ZBTB20: variants seen among roughly 807,000 people sequenced by gnomAD.
ZBTB20 encodes zinc finger and BTB domain containing 20.
ZBTB20 carries 9 observed loss-of-function variants against 56.9 expected under a neutral mutation model. The observed-to-expected ratio is 0.16, with a 90% CI of 0.10 to 0.28. The LOEUF (loss-of-function observed/expected upper bound fraction) is 0.28, where lower values mean the gene tolerates loss of function less well. Among genes scored for constraint, ZBTB20 ranks in the 10% least tolerant of loss-of-function variants. ZBTB20 has a pLI of 1.00. For synonymous variants in ZBTB20, 417 were observed against 420.7 expected (o/e 0.99, Z 0.11); for missense variants, 655 against 1,003.0 (o/e 0.65, Z 4.69).
rs1560055108 is a variant in ZBTB20 at position 114,321,682 on chromosome 3, A to C, written c.*17323T>G. On this transcript the variant is annotated 3_prime_UTR_variant, in exon 12 of 12. Coordinates refer to ENST00000675478, the MANE Select transcript of ZBTB20 (RefSeq NM_001348800.3). ...TTCCAGGAAAAAAAGAAGGAGAAAA[A>C]GAAATGGTATCTGTCAGAAAATACT... 1 of 152,248 alleles carries C rather than the reference A, an allele frequency of 6.6e-6. No individual in the cohort carries two copies. Among genetic ancestry groups the C allele is most frequent in the African/African-American group, 2.4e-5 (1 of 41,464 alleles). 9.4% of individuals were successfully genotyped at this position (152,248 alleles called of 1,614,324 possible). A position where few individuals can be genotyped will look rare whatever the true frequency, so the allele number is the denominator to read the frequency against.
intron 6 of ZBTB20, among the ~76,000 whole-genome samples, chr3:114,649,976 TC>T (rs2107988915): frequency 6.6e-6 from 1 of 152,020 alleles, no homozygotes; most frequent in East Asian, 1.9e-4. Context: ...GAGAAGCTAC[TC>T]CAGACTAGGC....
Position 114,316,445 on chromosome 3 carries a change from T to A in ZBTB20, c.*22560A>T, listed in dbSNP as rs540871783. ...ATCTGGATTTGTAATGAGCATCTGA[T>A]TTTGTTATGTGCATGTGTGTATATA... On this transcript the variant is annotated 3_prime_UTR_variant, in exon 12 of 12. Coordinates refer to ENST00000675478, the MANE Select transcript of ZBTB20 (RefSeq NM_001348800.3). 2 of 474,576 alleles carry A rather than the reference T, an allele frequency of 4.2e-6. No individual in the cohort carries two copies. The highest frequency in any genetic ancestry group is 7.1e-5 in the East Asian group (1 of 14,072). The allele number at this position is 474,576 out of a possible 1,614,324, so 29.4% of individuals were successfully genotyped here.
intron 5 of ZBTB20, among the ~76,000 whole-genome samples, chr3:114,708,300 T>C (rs1008163805): frequency 6.6e-6 from 1 of 152,204 alleles, no homozygotes; most frequent in African/African-American, 2.4e-5. Context: ...AGCAACAGCA[T>C]GGCTTTGAAT....
In ZBTB20 at chr3:115,059,401, A is replaced by G. The variant is rs35992576; in HGVS notation, c.-507+11818T>C. On this transcript the variant is annotated intron_variant, in intron 2 of 11. Coordinates refer to ENST00000675478, the MANE Select transcript of ZBTB20 (RefSeq NM_001348800.3). ...GGGCAGGCTTGTTAGGCCCTACTGA[A>G]AAAGAATTATCCTTTTTGGGATCTC... is the stretch of plus-strand genomic sequence containing the variant. Among the ~76,000 whole-genome samples, 820 of 152,280 alleles carry G rather than the reference A, an allele frequency of 5.4e-3. 5 individuals carry two copies. Among genetic ancestry groups the G allele is most frequent in the Non-Finnish European group, 8.2e-3 (561 of 68,022 alleles).
intron 5 of ZBTB20, among the ~76,000 whole-genome samples, chr3:114,793,720 A>G (rs2071143264): frequency 6.6e-6 from 1 of 152,150 alleles, no homozygotes; most frequent in Non-Finnish European, 1.5e-5. Flanking sequence ...TGTGGGTAGA[A>G]TAATAGGAAG....
At chr3:114,666,395 C>T (rs557771444) in intron 6 of ZBTB20, among the ~76,000 whole-genome samples, 1 of 152,114 alleles carries the variant, frequency 6.6e-6, no homozygotes, top group Admixed American at 6.6e-5. Flanking sequence ...GTTAGACTTT[C>T]TTCTACAAGT....
At chr3:115,058,139 C>G (rs371211539) in intron 2 of ZBTB20, among the ~76,000 whole-genome samples, 19 of 152,004 alleles carry the variant, frequency 1.2e-4, no homozygotes, top group African/African-American at 4.6e-4. Flanking sequence ...TCCCACAACA[C>G]GGGGATTATG....
intron 5 of ZBTB20, among the ~76,000 whole-genome samples, chr3:114,694,823 T>C (rs2062907277): frequency 6.6e-6 from 1 of 152,200 alleles, no homozygotes; most frequent in South Asian, 2.1e-4. Flanking sequence ...CTAGGAAAGA[T>C]GTAAAATTGT....
chr3:115,060,732 C>T (rs2081983043), intron 2 of ZBTB20, among the ~76,000 whole-genome samples: 1 of 152,092 alleles, frequency 6.6e-6, no homozygotes, highest in African/African-American at 2.4e-5. Flanking sequence ...CTACTGCCAT[C>T]ATTTTATCAA....
chr3:115,007,710 T>C (rs930167980), intron 2 of ZBTB20, among the ~76,000 whole-genome samples: 1 of 151,918 alleles, frequency 6.6e-6, no homozygotes, highest in Non-Finnish European at 1.5e-5. Flanking sequence ...GAGTTTTTAC[T>C]TCTTTACCCC....
At chr3:114,743,163 A>C (rs1374589144) in intron 5 of ZBTB20, among the ~76,000 whole-genome samples, 9 of 152,236 alleles carry the variant, frequency 5.9e-5, no homozygotes, top group Admixed American at 3.3e-4. Flanking sequence ...TACAAAGAAG[A>C]CTATGTTTAT....
intron 6 of ZBTB20, among the ~76,000 whole-genome samples, chr3:114,589,018 T>C (rs1174861515): frequency 6.6e-6 from 1 of 152,078 alleles, no homozygotes; most frequent in African/African-American, 2.4e-5. Flanking sequence ...TCAGATCTCA[T>C]GAGAACTCAC....
At chr3:114,447,275 A>G (rs2091326674) in intron 7 of ZBTB20, among the ~76,000 whole-genome samples, 1 of 152,196 alleles carries the variant, frequency 6.6e-6, no homozygotes, top group Non-Finnish European at 1.5e-5. Flanking sequence ...TAGACTAATT[A>G]GATGAAACAA....
intron 3 of ZBTB20, among the ~76,000 whole-genome samples, chr3:114,903,500 C>T (rs1384832552): frequency 6.6e-6 from 1 of 151,982 alleles, no homozygotes; most frequent in Non-Finnish European, 1.5e-5. Flanking sequence ...ATCCAAAAGC[C>T]AGTCATGTGC....
intron 6 of ZBTB20, among the ~76,000 whole-genome samples, chr3:114,511,139 A>G (rs935403686): frequency 6.6e-6 from 1 of 151,672 alleles, no homozygotes; most frequent in African/African-American, 2.4e-5. Flanking sequence ...AGTTATGTGT[A>G]TAGTATAGAG....
At position 114,707,569 on chromosome 3, in the gene ZBTB20, T is replaced by G. The variant is rs537117074; in HGVS notation, c.-342-13994A>C. 5.9e-5 allele frequency among the ~76,000 whole-genome samples: 9 copies of G among 152,252 alleles called. No homozygotes were observed. In the South Asian group the frequency reaches 1.0e-3, roughly 18 times the overall value. The stretch of plus-strand genomic sequence containing the variant: ...ATGCCCGACCCTTTCCCTAGAACAG[T>G]TTTGAAAATGTCGGGAACTCAAAGC... On this transcript the variant is annotated intron_variant, in intron 5 of 11. Transcript: ENST00000675478.
chr3:114,519,068 C>T (rs1048110419), intron 6 of ZBTB20: 4 of 152,154 alleles, frequency 2.6e-5, no homozygotes, highest in African/African-American at 9.7e-5. Context: ...AAGGAAGCAC[C>T]CCAGAAAAGC....
intron 1 of ZBTB20, among the ~76,000 whole-genome samples, chr3:115,079,774 A>T (rs2082731111): frequency 6.6e-6 from 1 of 152,058 alleles, no homozygotes; most frequent in African/African-American, 2.4e-5. Flanking sequence ...CTTCGTAAAA[A>T]CCCTGATATG....
chr3:114,380,042 T>C (rs1307688894), intron 10 of ZBTB20, among the ~76,000 whole-genome samples, 175 bp downstream of exon 10: 1 of 152,342 alleles, frequency 6.6e-6, no homozygotes, highest in African/African-American at 2.4e-5. Context: ...TTAAATACAC[T>C]CTAGCTTTGC....
Sources: allele counts gnomAD v4.1 joint callset (sites outside exome capture counted in the v4.1 genomes callset), GRCh38; gene constraint gnomAD v4.1.1; transcripts MANE v1.5; gene names NCBI Gene and HGNC (gene_info 2026-07-23, HGNC 2026-07-21).